The following LRBA variants were observed in gnomAD, a reference collection of about 807,000 sequenced individuals.
LRBA encodes the protein lipopolysaccharide-responsive and beige-like anchor protein.
A neutral mutation model predicts 330.0 loss-of-function variants in LRBA; 176 were observed. The ratio of observed to expected loss-of-function variants is 0.53; its 90% CI spans 0.47 to 0.60. LRBA has a LOEUF of 0.60. Ranked by LOEUF, LRBA falls within the 20% of genes least tolerant of loss-of-function variation. LRBA has a pLI of 0.00. For missense variants in LRBA, 3,259 were observed against 3,444.8 expected (o/e 0.95, Z 1.35); for synonymous variants, 1,230 against 1,193.0 (o/e 1.03, Z -0.64).
chr4:150,416,634 TA>T (rs57095412), intron 46 of LRBA, among the ~76,000 whole-genome samples: 212 of 142,394 alleles, frequency 1.5e-3, no homozygotes, highest in Middle Eastern at 7.1e-3. Flanking sequence ...ACTGAACAAT[TA>T]AAAAAAAAAA....
chr4:150,840,374 GC>G (rs1354391515), intron 28 of LRBA, among the ~76,000 whole-genome samples: 2 of 152,156 alleles, frequency 1.3e-5, no homozygotes, highest in Non-Finnish European at 2.9e-5. Context: ...ATCATTTCTA[GC>G]TTTTTATTTA....
At chr4:150,980,432 T>A (rs948740138) in intron 2 of LRBA, among the ~76,000 whole-genome samples, 16 of 152,178 alleles carry the variant, frequency 1.1e-4, no homozygotes, top group Non-Finnish European at 2.2e-4. Flanking sequence ...AGATGCCCAC[T>A]ATCACCACTG....
intron 2 of LRBA, among the ~76,000 whole-genome samples, chr4:150,974,424 C>T (rs1561079154): frequency 6.6e-6 from 1 of 152,066 alleles, no homozygotes; most frequent in Non-Finnish European, 1.5e-5. Context: ...GAACAACTAC[C>T]GAGATTGTTG....
chr4:150,986,942 C>T (rs1205584414), intron 2 of LRBA, among the ~76,000 whole-genome samples: 1 of 152,188 alleles, frequency 6.6e-6, no homozygotes, highest in Non-Finnish European at 1.5e-5. Context: ...AGAAAAAAAT[C>T]ATAGGATATT....
intron 40 of LRBA, among the ~76,000 whole-genome samples, chr4:150,578,832 T>C (rs1276915220): frequency 6.6e-6 from 1 of 152,256 alleles, no homozygotes; most frequent in Non-Finnish European, 1.5e-5. Context: ...ACACCCTGAA[T>C]GTCCTCCTTC....
At chr4:150,790,542 T>C (rs1285625894) in intron 34 of LRBA, among the ~76,000 whole-genome samples, 1 of 152,232 alleles carries the variant, frequency 6.6e-6, no homozygotes, top group African/African-American at 2.4e-5. Flanking sequence ...CACCTTATAA[T>C]AGAAAGTTAT....
At chr4:150,382,101 C>T (rs774087239) in intron 47 of LRBA, among the ~76,000 whole-genome samples, 40 of 152,130 alleles carry the variant, frequency 2.6e-4, no homozygotes, top group Non-Finnish European at 5.0e-4. Context: ...TTCTCCCATT[C>T]TATGGATTGT....
intron 34 of LRBA, among the ~76,000 whole-genome samples, chr4:150,780,904 G>T (rs531459261): frequency 1.3e-5 from 2 of 151,898 alleles, no homozygotes; most frequent in Admixed American, 1.3e-4. Context: ...TTTTGAGACG[G>T]AGTCTCGCTC....
chr4:150,928,086 T>C (rs1734074246), intron 4 of LRBA, among the ~76,000 whole-genome samples: 1 of 152,198 alleles, frequency 6.6e-6, no homozygotes, highest in Non-Finnish European at 1.5e-5. Context: ...CCATTGCAAA[T>C]GACTCCTAAG....
rs565770808 is a variant in LRBA, at chr4:150,806,329, A to C, written c.5460T>G (p.Pro1820=). 8.7e-6 allele frequency: 14 copies of C among 1,609,198 alleles called. No individual in the cohort carries two copies. In the East Asian group the frequency reaches 1.6e-4, roughly 18 times the overall value. Residue 1820 remains proline, a synonymous_variant, in exon 33 of 57, where the codon CCT becomes CCG. Transcript: ENST00000651943. ...TACCCAAAAGTGTCCGAGAAAGAAA[A>C]GGTGCAAAATCCACAAAAATCTCAC... ...LLREIFVDFA[P]FLSRTLLGSH...
At chr4:150,955,102 C>T (rs1737395105) in intron 2 of LRBA, among the ~76,000 whole-genome samples, 1 of 148,512 alleles carries the variant, frequency 6.7e-6, no homozygotes, top group South Asian at 2.1e-4. Flanking sequence ...TGGTGAAACC[C>T]TGTCTCTACA....
intron 44 of LRBA, among the ~76,000 whole-genome samples, chr4:150,439,162 G>A (rs1751503849): frequency 6.6e-6 from 1 of 152,112 alleles, no homozygotes; most frequent in Admixed American, 6.6e-5. Context: ...CAAATTATAT[G>A]AATTAAAAAT....
chr4:150,921,678 T>C (rs1370880149), intron 4 of LRBA, among the ~76,000 whole-genome samples: 1 of 152,174 alleles, frequency 6.6e-6, no homozygotes, highest in Non-Finnish European at 1.5e-5. Context: ...ATTCAAGTGA[T>C]TCACCAGCTG....
At chr4:150,722,856 G>A (rs1052134287) in intron 36 of LRBA, among the ~76,000 whole-genome samples, 4 of 151,964 alleles carry the variant, frequency 2.6e-5, no homozygotes, top group African/African-American at 4.8e-5. Flanking sequence ...CTGCCCCATC[G>A]CCCAGCAGTG....
rs370189943 is a variant in LRBA, at chr4:150,670,256, T to C, written c.5921+13295A>G. ...CTATTAATCTTTTTACTTTTAAAAA[T>C]TGACATTCTACTGTAAAGAAGAGCT... On this transcript the variant is annotated intron_variant, in intron 37 of 56. Coordinates refer to ENST00000651943, the MANE Select transcript of LRBA (RefSeq NM_001364905.1). Among the ~76,000 whole-genome samples, 68 of 152,334 alleles carry C rather than the reference T, an allele frequency of 4.5e-4. No individual in the cohort carries two copies. The East Asian group carries it at 4.6e-3, about 10-fold the overall frequency.
intron 46 of LRBA, among the ~76,000 whole-genome samples, chr4:150,422,083 C>T (rs1364526704): frequency 6.6e-6 from 1 of 152,076 alleles, no homozygotes; most frequent in African/African-American, 2.4e-5. Context: ...CATGGCAAGA[C>T]CCCATCTCTA....
intron 17 of LRBA, among the ~76,000 whole-genome samples, chr4:150,886,082 AT>A (rs1431941383): frequency 1.3e-5 from 2 of 152,230 alleles, no homozygotes; most frequent in Non-Finnish European, 1.5e-5. Flanking sequence ...TCTGTCCCAA[AT>A]ATTAATAAAA....
chr4:150,558,978 G>T (rs1767692035), intron 40 of LRBA, among the ~76,000 whole-genome samples: 1 of 152,024 alleles, frequency 6.6e-6, no homozygotes, highest in Non-Finnish European at 1.5e-5. Context: ...CATACTGACT[G>T]GCTGATCAAA....
chr4:150,416,799 C>T (rs1234045893), intron 46 of LRBA, among the ~76,000 whole-genome samples: 1 of 151,988 alleles, frequency 6.6e-6, no homozygotes, highest in East Asian at 1.9e-4. Flanking sequence ...AAGCCATATC[C>T]AATTTGTCTG....
Sources: allele counts gnomAD v4.1 joint callset (sites outside exome capture counted in the v4.1 genomes callset), GRCh38; gene constraint gnomAD v4.1.1; transcripts MANE v1.5; gene names NCBI Gene and HGNC (gene_info 2026-07-23, HGNC 2026-07-21).